Variants in ZBTB16 observed in about 807,000 individuals in gnomAD.
ZBTB16 encodes zinc finger and BTB domain containing 16, also known as zinc finger and BTB domain-containing protein 16.
Under a neutral mutation model 56.8 loss-of-function variants are expected in ZBTB16, and 8 were observed. That is an observed-to-expected ratio of 0.14 (90% CI 0.08 to 0.25). The LOEUF is 0.25. ZBTB16 is among the 10% of genes least tolerant of loss of function. ZBTB16 has a pLI of 1.00. For missense variants in ZBTB16, 625 were observed against 903.0 expected, an observed-to-expected ratio of 0.69 and a Z score of 3.95; for synonymous variants, 363 against 368.5, an observed-to-expected ratio of 0.98 and a Z score of 0.17.
At chr11:114,117,923 GAGAT>G (rs1422516188) in intron 2 of ZBTB16, among the ~76,000 whole-genome samples, 5 of 152,166 alleles carry the variant, frequency 3.3e-5, no homozygotes, top group African/African-American at 1.2e-4. Context: ...CTGGAGAGCA[GAGAT>G]AGATATTTTC....
intron 4 of ZBTB16, among the ~76,000 whole-genome samples, chr11:114,230,251 C>G (rs1334586019): frequency 1.3e-5 from 2 of 152,188 alleles, no homozygotes; most frequent in Non-Finnish European, 2.9e-5. Context: ...CATGCACACA[C>G]ATGCAGGTAC....
chr11:114,111,814 A>G (rs1941013847), intron 2 of ZBTB16, among the ~76,000 whole-genome samples: 1 of 152,174 alleles, frequency 6.6e-6, no homozygotes, highest in African/African-American at 2.4e-5. Context: ...TCTGCAACCT[A>G]GTTTTTCTGG....
intron 3 of ZBTB16, among the ~76,000 whole-genome samples, chr11:114,180,137 C>T (rs1943213395): frequency 6.6e-6 from 1 of 152,162 alleles, no homozygotes; most frequent in Non-Finnish European, 1.5e-5. Context: ...TTGAACCTTC[C>T]TCCTTCCTTT....
chr11:114,235,582 G>A (rs766553352), intron 4 of ZBTB16, among the ~76,000 whole-genome samples: 3 of 151,866 alleles, frequency 2.0e-5, no homozygotes, highest in Non-Finnish European at 4.4e-5. Flanking sequence ...TTCCACCCTG[G>A]CCTGGCTTTC....
intron 2 of ZBTB16, among the ~76,000 whole-genome samples, chr11:114,085,397 G>T (rs1939923460): frequency 6.6e-6 from 1 of 152,190 alleles, no homozygotes; most frequent in African/African-American, 2.4e-5. Context: ...GCATCACTGT[G>T]TACTAGGTGG....
At chr11:114,174,456 G>A (rs906226049) in intron 3 of ZBTB16, among the ~76,000 whole-genome samples, 3 of 152,076 alleles carry the variant, frequency 2.0e-5, no homozygotes, top group African/African-American at 4.8e-5. Context: ...CAAGGTGGGC[G>A]GATCACCTGA....
chr11:114,104,115 A>G (rs1940707414), intron 2 of ZBTB16, among the ~76,000 whole-genome samples: 1 of 152,176 alleles, frequency 6.6e-6, no homozygotes, highest in South Asian at 2.1e-4. Flanking sequence ...CAACACAAGG[A>G]TCTTTTCTAC....
intron 4 of ZBTB16, among the ~76,000 whole-genome samples, chr11:114,235,690 C>CTTTCTTTCTTTCTTTCTTTCT (rs1555159923): frequency 8.8e-5 from 6 of 68,252 alleles, no homozygotes; most frequent in African/African-American, 3.9e-4. Context: ...TTCTTTCTTT[C>CTTTCTTTCTTTCTTTCTTTCT]TTTTCTTTCT....
intron 2 of ZBTB16, among the ~76,000 whole-genome samples, chr11:114,098,595 G>T (rs1940501630): frequency 6.7e-6 from 1 of 149,602 alleles, no homozygotes; most frequent in South Asian, 2.1e-4. Context: ...GCAAAAACCA[G>T]CACGGGAGCC....
At chr11:114,195,769 A>G (rs1172702465) in intron 4 of ZBTB16, among the ~76,000 whole-genome samples, 1 of 152,154 alleles carries the variant, frequency 6.6e-6, no homozygotes, top group African/African-American at 2.4e-5. Context: ...CTCTCATCGC[A>G]TCATCCTGGT....
Position 114,247,269 on chromosome 11 carries a change from C to T in ZBTB16, c.1696C>T (p.Arg566Cys). Residue 566 changes from arginine to cysteine, a missense_variant, in exon 6 of 7, where the codon CGC (arginine) becomes TGC (cysteine). Transcript: ENST00000335953. ...TGAGAGCACACTCAAGAGCCACAAA[C>T]GCATCCACACGGGTGAGAAACCCTA... is the stretch of plus-strand genomic sequence containing the variant. Reference protein sequence around the residue: ...RDESTLKSHKRIHTGEKPYEC... With the variant: ...RDESTLKSHKCIHTGEKPYEC... 2.5e-6 allele frequency: 4 copies of T among 1,614,244 alleles called. No individual in the cohort carries two copies. Among genetic ancestry groups the T allele is most frequent in the South Asian group, 1.1e-5 (1 of 91,082 alleles).
rs1022830079 is a variant in ZBTB16 at position 114,254,678 on chromosome 11, C to T, written c.*4123C>T. On this transcript the variant is annotated 3_prime_UTR_variant, in exon 7 of 7. Transcript: ENST00000335953. ...ATGAGACTCTGTTCATTCACTTTTC[C>T]TAGGCCCATCCTGTGGTCATCTTTC... 6.6e-6 allele frequency among the ~76,000 whole-genome samples: 1 copy of T among 152,196 alleles called. No homozygotes were observed. Among genetic ancestry groups the T allele is most frequent in the Non-Finnish European group, 1.5e-5 (1 of 68,036 alleles).
At position 114,108,277 on chromosome 11, in the gene ZBTB16, C is replaced by T. The variant is rs538577759; in HGVS notation, c.1268+43709C>T. Among the ~76,000 whole-genome samples, 5 of 152,224 alleles carry T rather than the reference C, an allele frequency of 3.3e-5. No homozygotes were observed. The South Asian group carries it at 8.3e-4, about 25-fold the overall frequency. ...TGTTTCCAGCCGTTAGAAAGCTGCT[C>T]CCGAGTCTTTCAGCTCAGGAGCTAG... is the stretch of plus-strand genomic sequence containing the variant. On this transcript the variant is annotated intron_variant, in intron 2 of 6. Transcript: ENST00000335953.
chr11:114,104,175 G>A (rs1438004972), intron 2 of ZBTB16, among the ~76,000 whole-genome samples: 1 of 152,152 alleles, frequency 6.6e-6, no homozygotes, highest in Non-Finnish European at 1.5e-5. Flanking sequence ...TTTTATCCCA[G>A]GGTGAACGTG....
chr11:114,164,954 C>G (rs1333678531), intron 3 of ZBTB16, among the ~76,000 whole-genome samples: 2 of 152,116 alleles, frequency 1.3e-5, no homozygotes, highest in Non-Finnish European at 2.9e-5. Context: ...TTTCTTGACA[C>G]TCCTGTGTAT....
intron 4 of ZBTB16, among the ~76,000 whole-genome samples, chr11:114,204,473 T>C (rs1262676898): frequency 6.6e-6 from 1 of 152,174 alleles, no homozygotes; most frequent in Non-Finnish European, 1.5e-5. Context: ...GGGGCTATGA[T>C]ATTCAGTGCA....
At chr11:114,178,949 G>A (rs1943182591) in intron 3 of ZBTB16, among the ~76,000 whole-genome samples, 1 of 152,112 alleles carries the variant, frequency 6.6e-6, no homozygotes, top group Admixed American at 6.6e-5. Context: ...GGTGACTCCC[G>A]TTGTTCTGTT....
rs1248672458 is a variant in ZBTB16, at chr11:114,059,827, GCA to G, written c.-140_-139del. 2.5e-5 allele frequency: 10 copies of G among 398,008 alleles called. No homozygotes were observed. The highest frequency in any genetic ancestry group is 4.4e-5 in the Non-Finnish European group (10 of 225,852). The allele number at this position is 398,008 out of a possible 1,614,324, so 24.7% of individuals were successfully genotyped here. ...CCAGCAACACCCCTCCCCGACACAGGCACACACCCCCCGACAGGCACGCACAC... is the reference window on the plus strand; with the variant it reads ...CCAGCAACACCCCTCCCCGACACAGGCACACCCCCCGACAGGCACGCACAC... On this transcript the variant is annotated 5_prime_UTR_variant, in exon 1 of 7. Transcript: ENST00000335953. This position sits in a 1 kb window ranked among gnomAD's most constrained non-coding sequence, Gnocchi z 5.3.
At chr11:114,120,679 G>C (rs577090091) in intron 2 of ZBTB16, among the ~76,000 whole-genome samples, 11 of 152,154 alleles carry the variant, frequency 7.2e-5, no homozygotes, top group African/African-American at 2.7e-4. Flanking sequence ...GCGTGTCTTC[G>C]GATGCTGTAT....
Sources: gnomAD v4.1 joint callset for allele counts (sites outside exome capture counted in the v4.1 genomes callset) on GRCh38, gnomAD v4.1.1 for gene constraint, Gnocchi (gnomAD v3.1) non-coding constraint, MANE v1.5 for transcripts, NCBI Gene and HGNC (gene_info 2026-07-23, HGNC 2026-07-21) for gene names.